Variants in STK33 observed in about 807,000 individuals in gnomAD.
STK33 encodes serine/threonine kinase 33.
STK33 carries 52 observed loss-of-function variants against 58.0 expected under a neutral mutation model. That is an observed-to-expected ratio of 0.90 (90% CI 0.72 to 1.13). STK33 has a LOEUF of 1.13. STK33 is among the 50% of genes most tolerant of loss of function. The pLI is 0.00. For synonymous variants in STK33, 215 were observed against 200.1 expected, an observed-to-expected ratio of 1.07 and a Z score of -0.63; for missense variants, 630 against 604.2, an observed-to-expected ratio of 1.04 and a Z score of -0.45.
chr11:8,415,139 G>C (rs1334705048), intron 14 of STK33, among the ~76,000 whole-genome samples: 1 of 151,990 alleles, frequency 6.6e-6, no homozygotes, highest in Non-Finnish European at 1.5e-5. Context: ...TAAAATCAGT[G>C]ACCAGGGTCC....
rs138451651 is a variant in STK33 at position 8,578,581 on chromosome 11, A to T, written c.-466+15502T>A. Among the ~76,000 whole-genome samples, 418 of 151,984 alleles carry T rather than the reference A, an allele frequency of 2.8e-3. 11 individuals are homozygous for T. In the East Asian group the frequency reaches 0.066, roughly 24 times the overall value. The stretch of plus-strand genomic sequence containing the variant: ...ATATAATATACTATATGTATACCAC[A>T]TATGTACATTTTTGTACGTGTAATT... On this transcript the variant is annotated intron_variant, in intron 1 of 15. Coordinates refer to ENST00000687296, the MANE Select transcript of STK33 (RefSeq NM_001352389.2).
At chr11:8,493,440 T>C (rs1218710216) in intron 1 of STK33, among the ~76,000 whole-genome samples, 2 of 152,126 alleles carry the variant, frequency 1.3e-5, no homozygotes, top group African/African-American at 4.8e-5. Context: ...GGCTCTGAAA[T>C]TGAGGCAATA....
the STK33 span, among the ~76,000 whole-genome samples, chr11:8,374,695 G>A: frequency 6.6e-6 from 1 of 152,186 alleles, no homozygotes; most frequent in Non-Finnish European, 1.5e-5. Flanking sequence ...GGGAAGGGCT[G>A]GAGCTTTACA....
At chr11:8,549,215 A>G (rs533340481) in intron 1 of STK33, among the ~76,000 whole-genome samples, 1 of 152,286 alleles carries the variant, frequency 6.6e-6, no homozygotes, top group African/African-American at 2.4e-5. Flanking sequence ...CTTTTTCAGT[A>G]TCTATTGAAA....
At chr11:8,492,338 AAGAG>A (rs1950688781) in intron 1 of STK33, among the ~76,000 whole-genome samples, 1 of 152,234 alleles carries the variant, frequency 6.6e-6, no homozygotes, top group African/African-American at 2.4e-5. Flanking sequence ...CAAAGATCAA[AAGAG>A]ACAAAGAAGG....
the STK33 span, among the ~76,000 whole-genome samples, chr11:8,375,350 A>G: frequency 2.5e-4 from 38 of 152,342 alleles, no homozygotes; most frequent in Admixed American, 1.2e-3. Context: ...TTTCTATCCC[A>G]TGGCTACCTC....
chr11:8,336,202 T>C, the STK33 span, among the ~76,000 whole-genome samples: 1 of 152,228 alleles, frequency 6.6e-6, no homozygotes, highest in African/African-American at 2.4e-5. Context: ...GGGCCCCACC[T>C]GGCCCGGGCC....
chr11:8,345,928 C>T, the STK33 span, among the ~76,000 whole-genome samples: 2 of 152,198 alleles, frequency 1.3e-5, no homozygotes, highest in South Asian at 4.1e-4. Context: ...CTTCCACGTA[C>T]CGAGTGGCAA....
intron 1 of STK33, among the ~76,000 whole-genome samples, chr11:8,497,072 A>G (rs1951116631): frequency 6.6e-6 from 1 of 152,162 alleles, no homozygotes. Flanking sequence ...CACATATTAC[A>G]AACAAAAAAT....
chr11:8,510,510 G>A (rs1370877706), intron 1 of STK33, among the ~76,000 whole-genome samples: 1 of 151,904 alleles, frequency 6.6e-6, no homozygotes, highest in Non-Finnish European at 1.5e-5. Flanking sequence ...ATTTAGTTAG[G>A]TCCCATTTAT....
At chr11:8,529,080 T>C (rs186410398) in intron 1 of STK33, among the ~76,000 whole-genome samples, 2 of 152,316 alleles carry the variant, frequency 1.3e-5, no homozygotes, top group Admixed American at 6.5e-5. Flanking sequence ...ACAGCGAAAC[T>C]AGGGTTTGAA....
intron 6 of STK33, among the ~76,000 whole-genome samples, 182 bp downstream of exon 6, chr11:8,472,981 A>T (rs1948921503): frequency 6.6e-6 from 1 of 152,236 alleles, no homozygotes; most frequent in African/African-American, 2.4e-5. Context: ...GGTCCTCCAT[A>T]AACAGAAGAT....
intron 8 of STK33, among the ~76,000 whole-genome samples, chr11:8,459,204 G>A (rs924228239): frequency 2.0e-5 from 3 of 152,046 alleles, no homozygotes; most frequent in Non-Finnish European, 4.4e-5. Context: ...GTGTAGACCT[G>A]GAGAACACTT....
At chr11:8,513,612 C>G (rs1395943427) in intron 1 of STK33, among the ~76,000 whole-genome samples, 1 of 152,170 alleles carries the variant, frequency 6.6e-6, no homozygotes, top group Non-Finnish European at 1.5e-5. Flanking sequence ...GAAATTGAGG[C>G]TGCTTTTTTA....
At chr11:8,490,043 C>A (rs914640869) in intron 1 of STK33, among the ~76,000 whole-genome samples, 23 of 152,128 alleles carry the variant, frequency 1.5e-4, no homozygotes, top group Admixed American at 4.6e-4. Flanking sequence ...ACTGAGGTAC[C>A]TGGTTCATCT....
rs531112560 is a variant in STK33 at position 8,517,310 on chromosome 11, C to T, written c.-465-36696G>A. On this transcript the variant is annotated intron_variant, in intron 1 of 15. Coordinates refer to ENST00000687296, the MANE Select transcript of STK33 (RefSeq NM_001352389.2). Reference sequence around the variant, plus strand: ...GAAAACTAACAAACAGAAAGGACATCCACACCAAAACTCCATCTGTACGTC... The same window carrying T: ...GAAAACTAACAAACAGAAAGGACATTCACACCAAAACTCCATCTGTACGTC... Among the ~76,000 whole-genome samples, 150 of 152,226 alleles carry T rather than the reference C, an allele frequency of 9.9e-4. 1 individual carries two copies. The highest frequency in any genetic ancestry group is 4.8e-3 in the South Asian group (23 of 4,816).
intron 6 of STK33, among the ~76,000 whole-genome samples, chr11:8,470,965 TG>T (rs1948721787): frequency 6.6e-6 from 1 of 152,224 alleles, no homozygotes; most frequent in South Asian, 2.1e-4. Flanking sequence ...GAGCACATGC[TG>T]TTGGAAAAAT....
intron 1 of STK33, among the ~76,000 whole-genome samples, chr11:8,568,141 TA>T (rs1026029093): frequency 1.3e-5 from 2 of 152,170 alleles, no homozygotes; most frequent in Non-Finnish European, 2.9e-5. Flanking sequence ...GTTTTTATCA[TA>T]AAACAATATG....
intron 1 of STK33, among the ~76,000 whole-genome samples, chr11:8,514,395 G>T (rs552550580): frequency 3.9e-5 from 6 of 151,956 alleles, no homozygotes; most frequent in Middle Eastern, 6.3e-3. Flanking sequence ...CCACTCTATG[G>T]GGGAAAAAAA....
Sources: gnomAD v4.1 joint callset for allele counts (sites outside exome capture counted in the v4.1 genomes callset) on GRCh38, gnomAD v4.1.1 for gene constraint, MANE v1.5 for transcripts, NCBI Gene and HGNC (gene_info 2026-07-23, HGNC 2026-07-21) for gene names.